RNF169: variants seen among roughly 807,000 people sequenced by gnomAD.
RNF169 encodes ring finger protein 169, also known as E3 ubiquitin-protein ligase RNF169.
A neutral mutation model predicts 53.9 loss-of-function variants in RNF169; 24 were observed. That is an observed-to-expected ratio of 0.45 (90% CI 0.32 to 0.63). The LOEUF (loss-of-function observed/expected upper bound fraction) is 0.63, where lower values mean the gene tolerates loss of function less well. RNF169 is among the 20% of genes least tolerant of loss of function. The pLI is 0.04. For synonymous variants in RNF169, 396 were observed against 363.5 expected, an observed-to-expected ratio of 1.09 and a Z score of -1.02; for missense variants, 883 against 906.2, an observed-to-expected ratio of 0.97 and a Z score of 0.33.
chr11:74,820,060 T>C (rs2035989943), intron 4 of RNF169, among the ~76,000 whole-genome samples: 1 of 152,154 alleles, frequency 6.6e-6, no homozygotes. Context: ...CAGCCAGTGT[T>C]AGAGTGAATT....
At chr11:74,764,184 T>C (rs569823027) in intron 1 of RNF169, among the ~76,000 whole-genome samples, 53 of 152,332 alleles carry the variant, frequency 3.5e-4, no homozygotes, top group African/African-American at 1.3e-3. Context: ...AGAAGAAAAC[T>C]GAATAATTTC....
rs547810666 is a variant in RNF169 at position 74,842,291 on chromosome 11, G to C, written c.*5561G>C. The stretch of plus-strand genomic sequence containing the variant: ...GTTTCTGTCAGCAAGGACATGGCAT[G>C]GAATCAAGTGGGCTGATGTGTTGTT... On this transcript the variant is annotated 3_prime_UTR_variant, in exon 6 of 6. Transcript: ENST00000299563. 1 of 152,340 alleles carries C rather than the reference G, an allele frequency of 6.6e-6. No homozygotes were observed. The highest frequency in any genetic ancestry group is 2.1e-4 in the South Asian group (1 of 4,822). 9.4% of individuals were successfully genotyped at this position (152,340 alleles called of 1,614,324 possible). A position where few individuals can be genotyped will look rare whatever the true frequency, so the allele number is the denominator to read the frequency against.
intron 1 of RNF169, among the ~76,000 whole-genome samples, chr11:74,788,063 A>G (rs1398584198): frequency 6.6e-6 from 1 of 152,162 alleles, no homozygotes; most frequent in African/African-American, 2.4e-5. Flanking sequence ...TACTCTGGCA[A>G]ATTTAATCAG....
chr11:74,833,921 TAAAAAATTTAACTCAAA>T (rs1032144255), intron 4 of RNF169, among the ~76,000 whole-genome samples: 4 of 152,116 alleles, frequency 2.6e-5, no homozygotes, highest in African/African-American at 9.7e-5. Context: ...CATTTTGAGT[TAAAAAATTTAACTCAAA>T]ATGGACCAAA....
chr11:74,749,075 A>C lies in RNF169; in HGVS notation c.195A>C (p.Glu65Asp), dbSNP rs2034840609. 1.4e-6 allele frequency: 2 copies of C among 1,462,284 alleles called. No individual in the cohort carries two copies. Among genetic ancestry groups the C allele is most frequent in the Non-Finnish European group, 9.0e-7 (1 of 1,106,752 alleles). 90.6% of individuals were successfully genotyped at this position (1,462,284 alleles called of 1,614,324 possible). A position where few individuals can be genotyped will look rare whatever the true frequency, so the allele number is the denominator to read the frequency against. ...CGCCGCTGCCGCCGCGGCCGGAGGA[A>C]TCGGGCTGCGCCGGGTGCCTGGAGC... ...LQPPLPPRPE[E>D]SGCAGCLEPP... The change falls in exon 1 of 6, where the codon GAA (glutamate) becomes GAC (aspartate). Residue 65 changes from glutamate to aspartate, a missense_variant. Coordinates refer to ENST00000299563, the MANE Select transcript of RNF169 (RefSeq NM_001098638.2).
intron 3 of RNF169, among the ~76,000 whole-genome samples, chr11:74,813,267 T>C (rs2035898965): frequency 1.3e-5 from 2 of 152,204 alleles, no homozygotes; most frequent in Non-Finnish European, 2.9e-5. Flanking sequence ...TTAAATCTCC[T>C]GTAGTACCCT....
At chr11:74,784,715 A>G (rs1373927724) in intron 1 of RNF169, among the ~76,000 whole-genome samples, 1 of 152,188 alleles carries the variant, frequency 6.6e-6, no homozygotes, top group Non-Finnish European at 1.5e-5. Context: ...TGGCATAATT[A>G]TATTGTTTCT....
intron 1 of RNF169, among the ~76,000 whole-genome samples, chr11:74,783,241 TG>T (rs1405325617): frequency 6.6e-6 from 1 of 150,646 alleles, no homozygotes; most frequent in Non-Finnish European, 1.5e-5. Flanking sequence ...TAGTTTGTTT[TG>T]TTTTTTTTTT....
intron 2 of RNF169, among the ~76,000 whole-genome samples, chr11:74,790,161 T>G (rs2035559842): frequency 1.3e-5 from 2 of 152,214 alleles, no homozygotes; most frequent in Admixed American, 1.3e-4. Context: ...AGAAAACAAT[T>G]ACCATTGGGA....
intron 2 of RNF169, among the ~76,000 whole-genome samples, chr11:74,806,631 A>G (rs2035809194): frequency 1.3e-5 from 2 of 152,332 alleles, no homozygotes; most frequent in South Asian, 4.1e-4. Flanking sequence ...GAAATAATAA[A>G]CTATTTGTAC....
At position 74,835,729 on chromosome 11, in the gene RNF169, T is replaced by G. The variant is rs1414938465; in HGVS notation, c.1126T>G (p.Ser376Ala). The G allele has an allele frequency of 5.6e-6, 9 of 1,614,020 alleles. No homozygotes were observed. The highest frequency in any genetic ancestry group is 7.6e-6 in the Non-Finnish European group (9 of 1,180,020). The change falls in exon 6 of 6, where the codon TCC becomes GCC. Residue 376 changes from serine (S) to alanine (A), a missense_variant. Transcript: ENST00000299563. ...CAGCCCTGAGAGCAATGACAGCATC[T>G]CCGAAGAACTAAACCATTTCAAGCC... The part of the protein sequence containing the change: ...SVSPESNDSI[S>A]EELNHFKPIV...
chr11:74,782,798 CA>C (rs1347913674), intron 1 of RNF169, among the ~76,000 whole-genome samples: 3 of 151,456 alleles, frequency 2.0e-5, no homozygotes, highest in Non-Finnish European at 4.4e-5. Flanking sequence ...ATTTGGCAAA[CA>C]GCAGTTTACA....
chr11:74,830,613 C>G (rs988793547), intron 4 of RNF169: 7 of 150,888 alleles, frequency 4.6e-5, no homozygotes, highest in Non-Finnish European at 1.0e-4. Context: ...TATCAAACAA[C>G]TAAAGAAGAA....
chr11:74,797,347 A>G (rs1197738136), intron 2 of RNF169, among the ~76,000 whole-genome samples: 1 of 152,250 alleles, frequency 6.6e-6, no homozygotes, highest in Non-Finnish European at 1.5e-5. Context: ...GTAGTGTATC[A>G]TGAACTGAAT....
At chr11:74,763,481 A>G (rs1007068903) in intron 1 of RNF169, among the ~76,000 whole-genome samples, 7 of 152,240 alleles carry the variant, frequency 4.6e-5, no homozygotes, top group Admixed American at 3.3e-4. Context: ...TGACATCCCA[A>G]GAAATGAATA....
intron 1 of RNF169, 139 bp downstream of exon 1, chr11:74,749,521 C>T (rs1304788238): frequency 5.6e-6 from 4 of 710,542 alleles, no homozygotes. Context: ...CCGGGCTCTA[C>T]CCAGGTGCAG....
intron 1 of RNF169, among the ~76,000 whole-genome samples, chr11:74,751,322 A>C (rs2034892325): frequency 6.6e-6 from 1 of 152,214 alleles, no homozygotes; most frequent in Non-Finnish European, 1.5e-5. Context: ...CAGGGATGAA[A>C]CGTCTTTAAT....
At chr11:74,786,087 C>A (rs187531788) in intron 1 of RNF169, among the ~76,000 whole-genome samples, 2 of 151,806 alleles carry the variant, frequency 1.3e-5, no homozygotes, top group Admixed American at 1.3e-4. Context: ...ACTACAGGCA[C>A]CTGTCACCAC....
At chr11:74,827,758 T>C (rs916598769) in intron 4 of RNF169, among the ~76,000 whole-genome samples, 1 of 152,130 alleles carries the variant, frequency 6.6e-6, no homozygotes. Flanking sequence ...GATGCAGAAA[T>C]GGCCTTCGAT....
Sources: gnomAD v4.1 joint callset for allele counts (sites outside exome capture counted in the v4.1 genomes callset) on GRCh38, gnomAD v4.1.1 for gene constraint, MANE v1.5 for transcripts, NCBI Gene and HGNC (gene_info 2026-07-23, HGNC 2026-07-21) for gene names.